Variants in DACH2 observed in about 807,000 individuals in gnomAD.
DACH2 encodes dachshund homolog 2.
In DACH2, 17 loss-of-function variants were observed where a neutral mutation model predicts 35.8. The observed-to-expected ratio is 0.48, with a 90% CI of 0.33 to 0.71. DACH2 has a LOEUF of 0.71. DACH2 is among the 30% of genes least tolerant of loss of function. The pLI is 0.02. For synonymous variants in DACH2, 195 were observed against 177.3 expected, an observed-to-expected ratio of 1.10 and a Z score of -0.79; for missense variants, 469 against 472.7, an observed-to-expected ratio of 0.99 and a Z score of 0.07.
At chrX:86,289,130 C>T (rs1282749286) in intron 1 of DACH2, among the ~76,000 whole-genome samples, 1 of 109,168 alleles carries the variant, frequency 9.2e-6, no homozygotes, top group Non-Finnish European at 1.9e-5. Context: ...TCATTCCCTT[C>T]AAGGCAGAAG....
intron 7 of DACH2, among the ~76,000 whole-genome samples, chrX:86,799,780 C>T (rs1457013776): frequency 8.9e-6 from 1 of 111,849 alleles, no homozygotes; most frequent in Non-Finnish European, 1.9e-5. Flanking sequence ...TTGGGTAAAT[C>T]CTGGAATCAA....
chrX:86,585,062 C>T (rs1324907410), intron 3 of DACH2, among the ~76,000 whole-genome samples: 1 of 110,935 alleles, frequency 9.0e-6, no homozygotes, highest in African/African-American at 3.3e-5. Context: ...TGATGGGCAC[C>T]TAGGCTGATG....
At chrX:86,481,304 A>T (rs1569416680) in intron 2 of DACH2, among the ~76,000 whole-genome samples, 1 of 111,841 alleles carries the variant, frequency 8.9e-6, no homozygotes, top group Non-Finnish European at 1.9e-5. Context: ...ATACAACTTT[A>T]TATTCCCCAC....
chrX:86,236,157 A>G (rs746337091), intron 1 of DACH2, among the ~76,000 whole-genome samples: 17 of 111,463 alleles, frequency 1.5e-4, no homozygotes, highest in Non-Finnish European at 2.8e-4. Flanking sequence ...GATAAGGGAT[A>G]CTAAATCCGC....
intron 2 of DACH2, among the ~76,000 whole-genome samples, chrX:86,491,165 G>A (rs1404420515): frequency 8.9e-6 from 1 of 111,854 alleles, no homozygotes; most frequent in Non-Finnish European, 1.9e-5. Context: ...TAAAACTATA[G>A]CCTAAAATGT....
chrX:86,785,727 C>T (rs1733176969), intron 7 of DACH2, among the ~76,000 whole-genome samples: 1 of 111,404 alleles, frequency 9.0e-6, no homozygotes, highest in African/African-American at 3.3e-5. Context: ...GAGCATAATT[C>T]ATCAAGTCAA....
chrX:86,678,165 C>T (rs758803014), intron 4 of DACH2, among the ~76,000 whole-genome samples: 16 of 112,055 alleles, frequency 1.4e-4, no homozygotes, highest in Non-Finnish European at 2.6e-4. Flanking sequence ...TTCACACCAA[C>T]TTAAAATAAT....
intron 2 of DACH2, among the ~76,000 whole-genome samples, chrX:86,388,566 C>A (rs888892498): frequency 9.0e-6 from 1 of 111,475 alleles, no homozygotes; most frequent in African/African-American, 3.3e-5. Context: ...GAGAAGTTGT[C>A]AGCCTCCCTG....
chrX:86,533,668 A>G (rs868816063), intron 3 of DACH2, among the ~76,000 whole-genome samples: 4 of 112,345 alleles, frequency 3.6e-5, no homozygotes, highest in Non-Finnish European at 7.5e-5. Context: ...CTTTAAAGTA[A>G]AAGTAAAATA....
intron 3 of DACH2, among the ~76,000 whole-genome samples, chrX:86,578,731 A>G (rs1158374410): frequency 9.0e-6 from 1 of 111,666 alleles, no homozygotes; most frequent in Non-Finnish European, 1.9e-5. Flanking sequence ...TGTAAAAATT[A>G]TAGTGGGGGT....
At chrX:86,206,242 G>C (rs1484633239) in intron 1 of DACH2, among the ~76,000 whole-genome samples, 2 of 107,949 alleles carry the variant, frequency 1.9e-5, no homozygotes, top group Admixed American at 9.8e-5. Flanking sequence ...CATTCAGCCT[G>C]TTTTTAGGTC....
chrX:86,388,212 T>G (rs972411272), intron 2 of DACH2, among the ~76,000 whole-genome samples: 4 of 111,841 alleles, frequency 3.6e-5, no homozygotes, highest in African/African-American at 6.5e-5. Flanking sequence ...GAGAAGCAGT[T>G]GGAAGCGCTT....
At chrX:86,776,155 T>C (rs2042029857) in intron 7 of DACH2, among the ~76,000 whole-genome samples, 1 of 111,985 alleles carries the variant, frequency 8.9e-6, no homozygotes, top group African/African-American at 3.2e-5. Context: ...TGAATCAGTT[T>C]AGACTGCTAT....
chrX:86,746,241 T>C lies in DACH2; in HGVS notation c.1240+6359T>C, dbSNP rs547856204. 4.1e-4 allele frequency among the ~76,000 whole-genome samples: 46 copies of C among 111,577 alleles called. 1 individual carries two copies. The highest frequency in any genetic ancestry group is 9.1e-3 in the Middle Eastern group (2 of 219). On this transcript the variant is annotated intron_variant, in intron 7 of 11. Coordinates refer to ENST00000373125, the MANE Select transcript of DACH2 (RefSeq NM_053281.3). ...TTGCATACAGTTTTGGGTTGACTTGTGTTTTCATTTCACATGTATATATAC... is the reference window on the plus strand; with the variant it reads ...TTGCATACAGTTTTGGGTTGACTTGCGTTTTCATTTCACATGTATATATAC...
chrX:86,449,236 T>G (rs1406970104), intron 2 of DACH2, among the ~76,000 whole-genome samples: 1 of 70,374 alleles, frequency 1.4e-5, no homozygotes, highest in African/African-American at 5.2e-5. Flanking sequence ...TGTTGATCCT[T>G]TCAAAAAACC....
intron 3 of DACH2, among the ~76,000 whole-genome samples, chrX:86,528,021 G>T (rs1602610995): frequency 1.8e-5 from 2 of 111,488 alleles, no homozygotes; most frequent in African/African-American, 6.5e-5. Flanking sequence ...CAGGTTTATA[G>T]TCTAGGAGTA....
At chrX:86,224,684 G>T (rs2032784625) in intron 1 of DACH2, among the ~76,000 whole-genome samples, 2 of 111,262 alleles carry the variant, frequency 1.8e-5, no homozygotes, top group African/African-American at 6.5e-5. Context: ...GAGAACGCAG[G>T]ATTTTTTTAA....
At chrX:86,574,279 A>T (rs978281470) in intron 3 of DACH2, among the ~76,000 whole-genome samples, 2 of 111,260 alleles carry the variant, frequency 1.8e-5, no homozygotes, top group African/African-American at 6.5e-5. Context: ...TGTTCAAAGC[A>T]GGTCTTCTTT....
At chrX:86,288,378 C>A (rs1032840941) in intron 1 of DACH2, among the ~76,000 whole-genome samples, 2 of 111,868 alleles carry the variant, frequency 1.8e-5, no homozygotes, top group Non-Finnish European at 3.8e-5. Context: ...CCTGCTGTAA[C>A]CCCTCCCTGG....
Sources: gnomAD v4.1 joint callset for allele counts (sites outside exome capture counted in the v4.1 genomes callset) on GRCh38, gnomAD v4.1.1 for gene constraint, MANE v1.5 for transcripts, NCBI Gene and HGNC (gene_info 2026-07-23, HGNC 2026-07-21) for gene names.